KIF16B: variants seen among roughly 807,000 people sequenced by gnomAD.
The protein encoded by KIF16B is kinesin family member 16B, also known as kinesin-like protein KIF16B.
Under a neutral mutation model 156.3 loss-of-function variants are expected in KIF16B, and 98 were observed. The observed-to-expected ratio is 0.63, with a 90% CI of 0.53 to 0.74. KIF16B has a LOEUF of 0.74. Ranked by LOEUF, KIF16B falls within the 30% of genes least tolerant of loss-of-function variation. The pLI is 0.00. For synonymous variants in KIF16B, 564 were observed against 583.7 expected (o/e 0.97, Z 0.49); for missense variants, 1,421 against 1,606.5 (o/e 0.88, Z 1.97).
chr20:16,517,836 GA>G (rs1009769940), intron 3 of KIF16B, among the ~76,000 whole-genome samples: 8 of 152,158 alleles, frequency 5.3e-5, no homozygotes, highest in African/African-American at 1.7e-4. Context: ...CACTAGTAAG[GA>G]AAAAAGTCTT....
At chr20:16,488,981 T>C (rs147796616) in intron 12 of KIF16B, among the ~76,000 whole-genome samples, 192 of 152,266 alleles carry the variant, frequency 1.3e-3, no homozygotes, top group African/African-American at 4.4e-3. Flanking sequence ...AAACAGAAAC[T>C]GTTTCAGTAT....
chr20:16,290,796 G>A (rs1240131031), intron 25 of KIF16B, among the ~76,000 whole-genome samples: 1 of 152,162 alleles, frequency 6.6e-6, no homozygotes, highest in East Asian at 1.9e-4. Flanking sequence ...TGGAGACAAT[G>A]ACTGAGGCCT....
chr20:16,338,422 T>G (rs1368384996), intron 23 of KIF16B, among the ~76,000 whole-genome samples: 1 of 152,120 alleles, frequency 6.6e-6, no homozygotes, highest in Non-Finnish European at 1.5e-5. Flanking sequence ...TCCTTGAAGG[T>G]TTAGAGTCTA....
intron 17 of KIF16B, chr20:16,382,126 A>T (rs2065111653): frequency 7.4e-7 from 1 of 1,352,694 alleles, no homozygotes; most frequent in South Asian, 1.2e-5. Flanking sequence ...TTTATAGGGA[A>T]AAGACTGCCA....
intron 12 of KIF16B, among the ~76,000 whole-genome samples, chr20:16,454,177 T>G (rs2067155229): frequency 6.6e-6 from 1 of 152,142 alleles, no homozygotes; most frequent in African/African-American, 2.4e-5. Flanking sequence ...TGTAGAACAA[T>G]GTATAGTTTC....
intron 23 of KIF16B, among the ~76,000 whole-genome samples, chr20:16,352,492 G>T (rs1002970442): frequency 2.0e-5 from 3 of 152,156 alleles, no homozygotes; most frequent in African/African-American, 7.2e-5. Flanking sequence ...CCCAGCAGGG[G>T]TCAGAAGATG....
chr20:16,295,662 C>T (rs6075045), intron 25 of KIF16B, among the ~76,000 whole-genome samples: 39,235 of 151,818 alleles, frequency 0.26, 5,320 homozygotes, highest in Non-Finnish European at 0.28. Context: ...TTCAATTAAG[C>T]GGCTCTAAAT....
chr20:16,298,919 A>G (rs7273465), intron 25 of KIF16B, among the ~76,000 whole-genome samples: 3,793 of 152,064 alleles, frequency 0.025, 143 homozygotes, highest in African/African-American at 0.085. Context: ...AAAAAAAAAA[A>G]AGAGAGAAAA....
chr20:16,524,283 A>C (rs1369466317), intron 3 of KIF16B, among the ~76,000 whole-genome samples: 2 of 152,196 alleles, frequency 1.3e-5, no homozygotes, highest in Non-Finnish European at 2.9e-5. Context: ...CATCTGACAA[A>C]GGGCTAATAT....
At chr20:16,502,466 G>A (rs966069738) in intron 10 of KIF16B, among the ~76,000 whole-genome samples, 1 of 152,058 alleles carries the variant, frequency 6.6e-6, no homozygotes, top group Non-Finnish European at 1.5e-5. Context: ...CATTTTTATT[G>A]TAATATATTG....
chr20:16,405,899 G>A (rs1042052056), intron 16 of KIF16B, among the ~76,000 whole-genome samples: 9 of 151,878 alleles, frequency 5.9e-5, no homozygotes, highest in Non-Finnish European at 1.0e-4. Context: ...GCACTTAAAC[G>A]TCCTGCCCTT....
chr20:16,465,559 C>G (rs1003812767), intron 12 of KIF16B, among the ~76,000 whole-genome samples: 1 of 152,206 alleles, frequency 6.6e-6, no homozygotes, highest in Non-Finnish European at 1.5e-5. Flanking sequence ...TAAATACACA[C>G]ATATTTGCAA....
chr20:16,369,027 A>C, intron 22 of KIF16B: 2 of 985,830 alleles, frequency 2.0e-6, no homozygotes, highest in Non-Finnish European at 2.4e-6. Flanking sequence ...CAGGATGACC[A>C]TATTTGTTTT....
intron 1 of KIF16B, among the ~76,000 whole-genome samples, chr20:16,553,321 C>G (rs1600686367): frequency 1.3e-5 from 2 of 152,324 alleles, no homozygotes; most frequent in East Asian, 3.9e-4. Flanking sequence ...TACTCAATGC[C>G]TCCTGACCCC....
intron 23 of KIF16B, among the ~76,000 whole-genome samples, chr20:16,353,934 AG>A (rs2123129474): frequency 6.6e-6 from 1 of 152,354 alleles, no homozygotes; most frequent in African/African-American, 2.4e-5. Context: ...TATAGCACCT[AG>A]GGACGAACAG....
chr20:16,508,885 C>T (rs1439438950), intron 6 of KIF16B, among the ~76,000 whole-genome samples: 1 of 152,110 alleles, frequency 6.6e-6, no homozygotes, highest in African/African-American at 2.4e-5. Context: ...ATTTTATTAA[C>T]TTTTTTGGAA....
intron 10 of KIF16B, among the ~76,000 whole-genome samples, chr20:16,500,415 T>C (rs1315288955): frequency 6.6e-6 from 1 of 152,194 alleles, no homozygotes; most frequent in Non-Finnish European, 1.5e-5. Context: ...CAGCAATCTT[T>C]TCCCTGGTCT....
chr20:16,370,610 G>A lies in KIF16B; in HGVS notation c.3474C>T (p.Thr1158=). ...MKDNEKLHNG[T]IQRKLKYERM... ...CCTCATATTTTAGTTTACGTTGAAT[G>A]GTGCCATTGTGAAGTTTCTCATTAT... The change falls in exon 22 of 26, where the codon ACC becomes ACT. Residue 1158 remains threonine (T), a synonymous_variant. Coordinates refer to ENST00000354981, the MANE Select transcript of KIF16B (RefSeq NM_024704.5). The A allele has an allele frequency of 6.3e-7, 1 of 1,578,842 alleles. No individual in the cohort carries two copies. The highest frequency in any genetic ancestry group is 1.2e-5 in the South Asian group (1 of 83,924).
rs1234709696 is a variant in KIF16B, at chr20:16,273,062, G to C, written c.*191C>G. ...ACGGCTGCCTGTCAGGGCCACATCA[G>C]CAGGCAGAGCATCCCATCCCCAAAC... On this transcript the variant is annotated 3_prime_UTR_variant, in exon 26 of 26. Coordinates refer to ENST00000354981, the MANE Select transcript of KIF16B (RefSeq NM_024704.5). 3.4e-6 allele frequency: 2 copies of C among 590,626 alleles called. No homozygotes were observed. The highest frequency in any genetic ancestry group is 3.7e-5 in the African/African-American group (2 of 53,684). The allele number at this position is 590,626 out of a possible 1,614,324, so 36.6% of individuals were successfully genotyped here. A position where few individuals can be genotyped will look rare whatever the true frequency, so the allele number is the denominator to read the frequency against.
Sources: allele counts gnomAD v4.1 joint callset (sites outside exome capture counted in the v4.1 genomes callset), GRCh38; gene constraint gnomAD v4.1.1; transcripts MANE v1.5; gene names NCBI Gene and HGNC (gene_info 2026-07-23, HGNC 2026-07-21).